The following MYCBPAP variants were observed in gnomAD, a reference collection of about 807,000 sequenced individuals.
MYCBPAP encodes MYCBP associated protein, also known as MYCBP-associated protein.
MYCBPAP carries 60 observed loss-of-function variants against 106.1 expected under a neutral mutation model. That is an observed-to-expected ratio of 0.57 (90% confidence interval 0.46 to 0.70). MYCBPAP has a LOEUF of 0.70. MYCBPAP is among the 30% of genes least tolerant of loss of function. The probability of loss-of-function intolerance (pLI) is 0.00; values close to 1 mark genes in which losing one functional copy is unlikely to be tolerated. For synonymous variants in MYCBPAP, 407 were observed against 440.6 expected (o/e 0.92, Z 0.95); for missense variants, 1,064 against 1,169.3 (o/e 0.91, Z 1.31).
chr17:50,524,596 G>A (rs985666774), intron 12 of MYCBPAP, among the ~76,000 whole-genome samples: 1 of 152,004 alleles, frequency 6.6e-6, no homozygotes, highest in African/African-American at 2.4e-5. Context: ...TGACCACCAG[G>A]CCCCAGGCAG....
At chr17:50,512,289 C>T (rs573524001) in intron 1 of MYCBPAP, among the ~76,000 whole-genome samples, 9 of 152,280 alleles carry the variant, frequency 5.9e-5, no homozygotes, top group South Asian at 2.1e-4. Context: ...CTCCTGACTT[C>T]GTGATCCACC....
chr17:50,518,882 A>C, intron 5 of MYCBPAP, 92 bp from the exon 6 acceptor site: 1 of 1,448,574 alleles, frequency 6.9e-7, no homozygotes. Context: ...TCCTGAAATC[A>C]GCCCTGTGAG....
At chr17:50,512,057 T>C (rs937200265) in intron 1 of MYCBPAP, among the ~76,000 whole-genome samples, 2 of 149,758 alleles carry the variant, frequency 1.3e-5, no homozygotes, top group Non-Finnish European at 3.0e-5. Context: ...AGTTTTCTTT[T>C]TTTTTTTTTT....
chr17:50,508,202 A>T (rs1309234788), upstream of MYCBPAP: 13 of 253,166 alleles, frequency 5.1e-5, no homozygotes, highest in Non-Finnish European at 8.9e-5. Flanking sequence ...ATGTGGCCTT[A>T]GTCGAGGAAG....
At chr17:50,528,556 T>C in intron 16 of MYCBPAP, 139 bp from the exon 17 acceptor site, 1 of 1,140,442 alleles carries the variant, frequency 8.8e-7, no homozygotes, top group Non-Finnish European at 1.2e-6. Context: ...ACAGTCCTGT[T>C]TCATGAAGCC....
intron 1 of MYCBPAP, chr17:50,509,774 G>C (rs1381997278): frequency 2.0e-5 from 3 of 152,452 alleles, no homozygotes; most frequent in Admixed American, 1.3e-4. Flanking sequence ...GTGTGACCCT[G>C]GTCCTCAAGA....
At position 50,525,927 on chromosome 17, in the gene MYCBPAP, G is replaced by A. The variant is rs771614063; in HGVS notation, c.1829G>A (p.Arg610His). ...GTGCAAAGCCTGCACCAACTGTGGC[G>A]CCAGTACATGACCCTGCCCGCCAAG... ...QVVQSLHQLW[R>H]QYMTLPAKAE... Residue 610 changes from arginine (R) to histidine (H), a missense_variant, in exon 14 of 19, where the codon CGC (arginine) becomes CAC (histidine). Transcript: ENST00000323776. The A allele has an allele frequency of 1.6e-5, 26 of 1,612,978 alleles. No homozygotes were observed. Among genetic ancestry groups the A allele is most frequent in the East Asian group, 6.7e-5 (3 of 44,882 alleles).
At chr17:50,522,301 C>A in intron 10 of MYCBPAP, 2 of 430,768 alleles carry the variant, frequency 4.6e-6, no homozygotes, top group Non-Finnish European at 8.6e-6. Context: ...TACCCAGCCC[C>A]CAAGCATGTA....
chr17:50,512,868 G>A (rs1449242179), intron 1 of MYCBPAP, among the ~76,000 whole-genome samples: 1 of 152,164 alleles, frequency 6.6e-6, no homozygotes, highest in African/African-American at 2.4e-5. Flanking sequence ...GAGGTCAGGA[G>A]TTTGAGACCA....
At chr17:50,529,619 A>C (rs1180610432) in intron 18 of MYCBPAP, 1 of 406,198 alleles carries the variant, frequency 2.5e-6, no homozygotes, top group Non-Finnish European at 5.0e-6. Context: ...GATTTTTCGG[A>C]GTGAAATGAG....
At position 50,529,059 on chromosome 17, in the gene MYCBPAP, G is replaced by A. The variant is rs769418850; in HGVS notation, c.2595G>A (p.Lys865=). The change falls in exon 18 of 19, where the codon AAG becomes AAA. Residue 865 remains lysine, a synonymous_variant. Transcript: ENST00000323776. Reference sequence around the variant, plus strand: ...AGAAGCACAAGGCAAAGGATGACAAGAAAGTCATAAAATCTGCAAGTCAGG... The same window carrying A: ...AGAAGCACAAGGCAAAGGATGACAAAAAAGTCATAAAATCTGCAAGTCAGG... ...NSKKHKAKDD[K]KVIKSASQDR... 6.2e-7 allele frequency: 1 copy of A among 1,614,072 alleles called. No individual in the cohort carries two copies. The highest frequency in any genetic ancestry group is 8.5e-7 in the Non-Finnish European group (1 of 1,180,040).
In MYCBPAP at chr17:50,527,071, A is replaced by G. The variant is rs535552899; in HGVS notation, c.2170-216A>G. ...CTGCTATATTCCAGGAGGGGGGCCT[A>G]CTCTCTGACCCTGGCAAATCTTGGA... On this transcript the variant is annotated intron_variant, in intron 14 of 18. Coordinates refer to ENST00000323776, the MANE Select transcript of MYCBPAP (RefSeq NM_032133.6). Among the ~76,000 whole-genome samples the G allele has an allele frequency of 2.6e-5, 4 of 152,206 alleles. No individual in the cohort carries two copies. In the East Asian group the frequency reaches 7.7e-4, roughly 29 times the overall value.
rs1260047165 is a variant in MYCBPAP, at chr17:50,516,452, C to T, written c.77-118C>T. 8 of 1,248,820 alleles carry T rather than the reference C, an allele frequency of 6.4e-6. No individual in the cohort carries two copies. The Admixed American group carries it at 2.2e-4, about 35-fold the overall frequency. 77.4% of individuals were successfully genotyped at this position (1,248,820 alleles called of 1,614,324 possible). A position where few individuals can be genotyped will look rare whatever the true frequency, so the allele number is the denominator to read the frequency against. ...AGCCTCTGCTATCTATCCAGCTGGT[C>T]AGCTCTGCCCCCCACCATGGAGTCT... is the stretch of plus-strand genomic sequence containing the variant. On this transcript the variant is annotated intron_variant, in intron 1 of 18. Coordinates refer to ENST00000323776, the MANE Select transcript of MYCBPAP (RefSeq NM_032133.6).
rs1383576766 is a variant in MYCBPAP at position 50,517,340 on chromosome 17, C to T, written c.252C>T (p.Thr84=). The part of the protein sequence containing the change: ...LTEKEDKRVI[T]QKFIIRKLKP... ...AAAAGGAAGATAAACGTGTCATCAC[C>T]CAGAAATTTATCATCCGTAAACTCA... The change falls in exon 3 of 19, where the codon ACC becomes ACT. Residue 84 remains threonine, a synonymous_variant. Coordinates refer to ENST00000323776, the MANE Select transcript of MYCBPAP (RefSeq NM_032133.6). 1 of 1,613,966 alleles carries T rather than the reference C, an allele frequency of 6.2e-7. No individual in the cohort carries two copies. The highest frequency in any genetic ancestry group is 8.5e-7 in the Non-Finnish European group (1 of 1,180,010).
At chr17:50,519,523 A>T (rs555677723) in intron 6 of MYCBPAP, 117 bp from the exon 7 acceptor site, 2 of 1,246,212 alleles carry the variant, frequency 1.6e-6, no homozygotes, top group Admixed American at 4.5e-5. Flanking sequence ...CACGGCAGCA[A>T]TGAATTCCCC....
intron 18 of MYCBPAP, among the ~76,000 whole-genome samples, chr17:50,531,113 C>T (rs2034627070): frequency 6.7e-6 from 1 of 150,142 alleles, no homozygotes; most frequent in Admixed American, 6.6e-5. Context: ...GATCACACCA[C>T]TGGACTCCAG....
At position 50,508,757 on chromosome 17, in the gene MYCBPAP, G is replaced by T; in HGVS notation, c.76+7G>T. On this transcript the variant is annotated splice_region_variant and intron_variant, in intron 1 of 18. Coordinates refer to ENST00000323776, the MANE Select transcript of MYCBPAP (RefSeq NM_032133.6). ...GCCTCAGAGAATGTCAAAGGTTGGCGCTGGCTGCCTTGGGCGCTCGGGAGA... is the reference window on the plus strand; with the variant it reads ...GCCTCAGAGAATGTCAAAGGTTGGCTCTGGCTGCCTTGGGCGCTCGGGAGA... The T allele has an allele frequency of 1.2e-6, 2 of 1,606,602 alleles. No homozygotes were observed. The highest frequency in any genetic ancestry group is 1.7e-6 in the Non-Finnish European group (2 of 1,175,758).
Position 50,518,691 on chromosome 17 carries a change from G to T in MYCBPAP, c.619G>T (p.Ala207Ser). 1 of 1,598,146 alleles carries T rather than the reference G, an allele frequency of 6.3e-7. No individual in the cohort carries two copies. The highest frequency in any genetic ancestry group is 8.5e-7 in the Non-Finnish European group (1 of 1,174,164). Residue 207 changes from alanine (A) to serine (S), a missense_variant, in exon 5 of 19, where the codon GCC becomes TCC. Transcript: ENST00000323776. ...TCTGAAAAACTGGCAGCGTAACACAGCCCTGCGGAAGAAGCAGCAGGAAGC... is the reference window on the plus strand; with the variant it reads ...TCTGAAAAACTGGCAGCGTAACACATCCCTGCGGAAGAAGCAGCAGGAAGC... ...NFLKNWQRNT[A>S]LRKKQQEALS...
At chr17:50,524,810 A>G in intron 12 of MYCBPAP, 67 bp from the exon 13 acceptor site, 4 of 1,563,838 alleles carry the variant, frequency 2.6e-6, no homozygotes, top group Non-Finnish European at 3.5e-6. Context: ...GGGGGCTCCA[A>G]CTTCCTGAAG....
Sources: allele counts gnomAD v4.1 joint callset (sites outside exome capture counted in the v4.1 genomes callset), GRCh38; gene constraint gnomAD v4.1.1; transcripts MANE v1.5; gene names NCBI Gene and HGNC (gene_info 2026-07-23, HGNC 2026-07-21).